Variants in PRKAG2 observed in about 807,000 individuals in gnomAD.
PRKAG2 encodes protein kinase AMP-activated non-catalytic subunit gamma 2, also known as 5'-AMP-activated protein kinase subunit gamma-2.
PRKAG2 carries 26 observed loss-of-function variants against 69.6 expected under a neutral mutation model. The observed-to-expected ratio is 0.37, with a 90% CI of 0.27 to 0.52. The LOEUF (loss-of-function observed/expected upper bound fraction) is 0.52, where lower values mean the gene tolerates loss of function less well. Among genes scored for constraint, PRKAG2 ranks in the 20% least tolerant of loss-of-function variants. The pLI, the probability that PRKAG2 is intolerant of heterozygous loss-of-function variation, is 0.90. For synonymous variants in PRKAG2, 293 were observed against 285.0 expected (o/e 1.03, Z -0.28); for missense variants, 557 against 740.0 (o/e 0.75, Z 2.87).
intron 3 of PRKAG2, among the ~76,000 whole-genome samples, chr7:151,769,485 G>A (rs2075911620): frequency 6.6e-6 from 1 of 152,238 alleles, no homozygotes; most frequent in Admixed American, 6.5e-5. Context: ...AGAGGCTGAA[G>A]TTACGCATCT....
At chr7:151,832,241 AGGGAAGGAAGGGAG>A (rs2079045882) in intron 1 of PRKAG2, among the ~76,000 whole-genome samples, 2 of 17,150 alleles carry the variant, frequency 1.2e-4, no homozygotes, top group South Asian at 3.9e-3. Flanking sequence ...GGAGAGGAGG[AGGGAAGGAAGGGAG>A]GAGGGAAGGA....
chr7:151,729,650 G>A (rs1358817938), intron 3 of PRKAG2, among the ~76,000 whole-genome samples: 1 of 152,118 alleles, frequency 6.6e-6, no homozygotes, highest in Non-Finnish European at 1.5e-5. Flanking sequence ...ACTGGCTGCT[G>A]TGCCCAGCCT....
chr7:151,575,553 G>A (rs1315322946), intron 7 of PRKAG2, among the ~76,000 whole-genome samples: 1 of 152,182 alleles, frequency 6.6e-6, no homozygotes, highest in African/African-American at 2.4e-5. Context: ...AGTAACGATG[G>A]CATTTAGATA....
chr7:151,609,981 T>C (rs1343416897), intron 5 of PRKAG2, among the ~76,000 whole-genome samples: 1 of 152,192 alleles, frequency 6.6e-6, no homozygotes, highest in Non-Finnish European at 1.5e-5. Flanking sequence ...ATCACCTGTG[T>C]AGCTGGCTCT....
At chr7:151,848,278 A>C (rs1055781574) in intron 1 of PRKAG2, among the ~76,000 whole-genome samples, 1 of 152,130 alleles carries the variant, frequency 6.6e-6, no homozygotes, top group Non-Finnish European at 1.5e-5. Context: ...ACTCTTAGAA[A>C]AGAGCTGGAA....
intron 3 of PRKAG2, among the ~76,000 whole-genome samples, chr7:151,748,908 C>T (rs1180212751): frequency 6.7e-6 from 1 of 148,672 alleles, no homozygotes; most frequent in Non-Finnish European, 1.5e-5. Flanking sequence ...AACCTGCCCC[C>T]AGTGACGACA....
chr7:151,664,185 GCTGAGAACACGGATT>G, intron 4 of PRKAG2, among the ~76,000 whole-genome samples: 1 of 152,182 alleles, frequency 6.6e-6, no homozygotes. Flanking sequence ...GGACAACCAT[GCTGAGAACACGGATT>G]CTGGAGCCCA....
At chr7:151,745,012 C>T (rs979832257) in intron 3 of PRKAG2, among the ~76,000 whole-genome samples, 5 of 152,188 alleles carry the variant, frequency 3.3e-5, no homozygotes, top group African/African-American at 1.2e-4. Context: ...TGCCCAGGAT[C>T]CGTGGGCAGC....
intron 3 of PRKAG2, among the ~76,000 whole-genome samples, chr7:151,760,638 C>G (rs184574216): frequency 6.6e-6 from 1 of 152,208 alleles, no homozygotes; most frequent in African/African-American, 2.4e-5. Context: ...GTGGCTCTCT[C>G]TCTGGCTCCA....
chr7:151,766,125 C>A (rs1021079316), intron 3 of PRKAG2, among the ~76,000 whole-genome samples: 3 of 152,148 alleles, frequency 2.0e-5, no homozygotes, highest in African/African-American at 7.2e-5. Context: ...CACAATGGAC[C>A]AAAAGAACAC....
At position 151,701,699 on chromosome 7, in the gene PRKAG2, C is replaced by T. The variant is rs372986714; in HGVS notation, c.467-26062G>A. 4.6e-5 allele frequency among the ~76,000 whole-genome samples: 7 copies of T among 152,146 alleles called. No individual in the cohort carries two copies. The East Asian group carries it at 1.4e-3, about 29-fold the overall frequency. ...TCTACTAAAAATACAAAAAATTAGC[C>T]GGCCTGGTGGTGGGCACCTGTAGTC... On this transcript the variant is annotated intron_variant, in intron 3 of 15. Coordinates refer to ENST00000287878, the MANE Select transcript of PRKAG2 (RefSeq NM_016203.4).
rs753497830 is a variant in PRKAG2, at chr7:151,560,448, T to A, written c.1678+76A>T. 113 of 1,612,710 alleles carry A rather than the reference T, an allele frequency of 7.0e-5. No homozygotes were observed. In the Middle Eastern group the frequency reaches 8.3e-4, roughly 12 times the overall value. ...TGTAGGTGGGTGGAGAAATGATGGT[T>A]TAAATGCTGCACTTCCTGTTCTACC... On this transcript the variant is annotated intron_variant, in intron 15 of 15. Coordinates refer to ENST00000287878, the MANE Select transcript of PRKAG2 (RefSeq NM_016203.4).
intron 5 of PRKAG2, among the ~76,000 whole-genome samples, chr7:151,627,611 G>A (rs561135060): frequency 6.6e-6 from 1 of 152,186 alleles, no homozygotes; most frequent in African/African-American, 2.4e-5. Context: ...GGGCAACAGA[G>A]CGAGACAAAA....
At chr7:151,592,817 T>G (rs1475782956) in intron 6 of PRKAG2, among the ~76,000 whole-genome samples, 3 of 152,248 alleles carry the variant, frequency 2.0e-5, no homozygotes, top group Non-Finnish European at 4.4e-5. Context: ...TTTGCTTTCT[T>G]AGCTCTTGAG....
chr7:151,787,746 G>A (rs977838811), intron 1 of PRKAG2, among the ~76,000 whole-genome samples: 3 of 152,176 alleles, frequency 2.0e-5, no homozygotes, highest in African/African-American at 7.2e-5. Flanking sequence ...GAATGTGACT[G>A]TATTTGGAGA....
At chr7:151,592,425 C>A (rs1037047003) in intron 6 of PRKAG2, among the ~76,000 whole-genome samples, 15 of 152,182 alleles carry the variant, frequency 9.9e-5, no homozygotes, top group South Asian at 4.1e-4. Context: ...GGAGTCCAGT[C>A]GGCCTCTCAA....
Position 151,823,602 on chromosome 7 carries a change from G to A in PRKAG2, c.115-37061C>T, listed in dbSNP as rs180818908. Among the ~76,000 whole-genome samples the A allele has an allele frequency of 2.7e-3, 403 of 152,070 alleles. 7 individuals are homozygous for A. The highest frequency in any genetic ancestry group is 9.5e-3 in the African/African-American group (394 of 41,524). Reference sequence around the variant, plus strand: ...TCCTGGCCTACTGGGCCATCTGGGGGCCTCATCTCTGATTAAAATGTCAAA... The same window carrying A: ...TCCTGGCCTACTGGGCCATCTGGGGACCTCATCTCTGATTAAAATGTCAAA... On this transcript the variant is annotated intron_variant, in intron 1 of 15. Transcript: ENST00000287878.
chr7:151,756,947 G>A lies in PRKAG2; in HGVS notation c.466+24205C>T, dbSNP rs1378153502. On this transcript the variant is annotated intron_variant, in intron 3 of 15. Transcript: ENST00000287878. This position sits in a 1 kb window ranked among gnomAD's most constrained non-coding sequence, Gnocchi z 4.9. Reference sequence around the variant, plus strand: ...AGGAGACGATTCAGACGGGGTCAGCGCTGCGATTCGGGGGAGTAACCAGCG... The same window carrying A: ...AGGAGACGATTCAGACGGGGTCAGCACTGCGATTCGGGGGAGTAACCAGCG... 6.6e-6 allele frequency among the ~76,000 whole-genome samples: 1 copy of A among 152,198 alleles called. No individual in the cohort carries two copies. The highest frequency in any genetic ancestry group is 1.5e-5 in the Non-Finnish European group (1 of 68,038).
intron 1 of PRKAG2, among the ~76,000 whole-genome samples, chr7:151,861,201 G>A (rs1030790026): frequency 2.0e-5 from 3 of 152,148 alleles, no homozygotes; most frequent in African/African-American, 7.2e-5. Context: ...CCTAATGAGG[G>A]ATTAAAAAGG....
Sources: gnomAD v4.1 joint callset for allele counts (sites outside exome capture counted in the v4.1 genomes callset) on GRCh38, gnomAD v4.1.1 for gene constraint, Gnocchi (gnomAD v3.1) non-coding constraint, MANE v1.5 for transcripts, NCBI Gene and HGNC (gene_info 2026-07-23, HGNC 2026-07-21) for gene names.